Variants in FBLN1 observed in about 807,000 individuals in gnomAD.
FBLN1 encodes the protein fibulin 1, also known as fibulin-1.
A neutral mutation model predicts 89.7 loss-of-function variants in FBLN1; 34 were observed. That is an observed-to-expected ratio of 0.38 (90% confidence interval 0.29 to 0.50). The LOEUF (loss-of-function observed/expected upper bound fraction) is 0.50, where lower values mean the gene tolerates loss of function less well. Among genes scored for constraint, FBLN1 ranks in the 20% least tolerant of loss-of-function variants. The pLI, the probability that FBLN1 is intolerant of heterozygous loss-of-function variation, is 0.92. For synonymous variants in FBLN1, 393 were observed against 391.3 expected (o/e 1.00, Z -0.05); for missense variants, 777 against 988.1 (o/e 0.79, Z 2.86).
rs1376762635 is a variant in FBLN1 at position 45,557,690 on chromosome 22, A to G, written c.1697+7075A>G. ...CTGAGCTCTTTTATGTGATATGGTG[A>G]GCACTCTCATGTGATACAAATATCT... On this transcript the variant is annotated intron_variant, in intron 14 of 16. Transcript: ENST00000327858. The surrounding 1 kb of genome is among the most constrained non-coding windows in gnomAD (Gnocchi z 4.9). 6.6e-6 allele frequency among the ~76,000 whole-genome samples: 1 copy of G among 152,204 alleles called. No individual in the cohort carries two copies. Among genetic ancestry groups the G allele is most frequent in the Non-Finnish European group, 1.5e-5 (1 of 68,034 alleles).
At position 45,588,572 on chromosome 22, in the gene FBLN1, T is replaced by C. The variant is rs1260594842; in HGVS notation, c.1972+11464T>C. Reference sequence around the variant, plus strand: ...CAACCCAGCCCCCAGCAGTTGCCCATAACTGGCCGCAGGATCCCACACACC... The same window carrying C: ...CAACCCAGCCCCCAGCAGTTGCCCACAACTGGCCGCAGGATCCCACACACC... On this transcript the variant is annotated intron_variant, in intron 16 of 16. Transcript: ENST00000327858. This position sits in a 1 kb window ranked among gnomAD's most constrained non-coding sequence, Gnocchi z 5.1. Among the ~76,000 whole-genome samples the C allele has an allele frequency of 6.6e-6, 1 of 151,994 alleles. No homozygotes were observed. Among genetic ancestry groups the C allele is most frequent in the East Asian group, 1.9e-4 (1 of 5,184 alleles).
Position 45,576,245 on chromosome 22 carries a change from C to T in FBLN1, c.1841-732C>T, listed in dbSNP as rs1446093435. ...TCACCAAACCACATACAAATCCTTC[C>T]CAAATCCCCAGTGGCTGGTTTTGTG... is the stretch of plus-strand genomic sequence containing the variant. On this transcript the variant is annotated intron_variant, in intron 15 of 16. Coordinates refer to ENST00000327858, the MANE Select transcript of FBLN1 (RefSeq NM_006486.3). This position sits in a 1 kb window ranked among gnomAD's most constrained non-coding sequence, Gnocchi z 5.2. 1.3e-5 allele frequency among the ~76,000 whole-genome samples: 2 copies of T among 152,230 alleles called. No homozygotes were observed. Among genetic ancestry groups the T allele is most frequent in the African/African-American group, 4.8e-5 (2 of 41,452 alleles).
At chr22:45,518,561 G>A (rs1229699477) in intron 1 of FBLN1, 121 bp from the exon 2 acceptor site, 5 of 758,984 alleles carry the variant, frequency 6.6e-6, no homozygotes, top group Admixed American at 2.0e-5. Flanking sequence ...TAAGGGATGT[G>A]CCCCCAGCCT....
At chr22:45,568,776 A>G (rs1411015514) in intron 14 of FBLN1, among the ~76,000 whole-genome samples, 4 of 30,070 alleles carry the variant, frequency 1.3e-4, no homozygotes, top group African/African-American at 4.7e-4. Context: ...CTGTAAGGGA[A>G]TGCTCCTCCT....
chr22:45,540,104 G>A (rs113984109), intron 8 of FBLN1, among the ~76,000 whole-genome samples: 3 of 152,234 alleles, frequency 2.0e-5, no homozygotes, highest in African/African-American at 4.8e-5. Context: ...AAAAGCAGGT[G>A]TAAGCCGGGT....
At chr22:45,522,950 C>T (rs932286047) in intron 2 of FBLN1, 10 of 492,250 alleles carry the variant, frequency 2.0e-5, no homozygotes, top group Middle Eastern at 3.7e-4. Flanking sequence ...CCCCTGGCCT[C>T]GTGGAGGCGG....
intron 13 of FBLN1, 139 bp downstream of exon 13, chr22:45,548,883 G>A (rs1887633725): frequency 2.2e-6 from 3 of 1,373,986 alleles, no homozygotes; most frequent in South Asian, 1.2e-5. Flanking sequence ...AGGAAAAGGA[G>A]GCCCACCCCA....
At chr22:45,566,831 C>G (rs139924535) in intron 14 of FBLN1, among the ~76,000 whole-genome samples, 2 of 152,156 alleles carry the variant, frequency 1.3e-5, no homozygotes, top group Non-Finnish European at 2.9e-5. Context: ...GGTTGTGTCA[C>G]TAGTAAATCA....
rs1395076386 is a variant in FBLN1, at chr22:45,527,841, T to C, written c.322-6T>C. On this transcript the variant is annotated splice_polypyrimidine_tract_variant and splice_region_variant and intron_variant, in intron 3 of 16. Transcript: ENST00000327858. Reference sequence around the variant, plus strand: ...CTCCATCTGGGATCTCCACCTGTGTTTGCAGAGGTGCTGCCATTGCTGTCT... The same window carrying C: ...CTCCATCTGGGATCTCCACCTGTGTCTGCAGAGGTGCTGCCATTGCTGTCT... 1.2e-6 allele frequency: 2 copies of C among 1,613,764 alleles called. No homozygotes were observed. The highest frequency in any genetic ancestry group is 2.2e-5 in the South Asian group (2 of 91,062).
chr22:45,529,735 G>A (rs765446427), intron 4 of FBLN1, among the ~76,000 whole-genome samples: 9 of 152,044 alleles, frequency 5.9e-5, no homozygotes, highest in African/African-American at 1.4e-4. Context: ...GCGTGGTGGC[G>A]GGCGCCTGTA....
intron 14 of FBLN1, among the ~76,000 whole-genome samples, chr22:45,559,032 G>T (rs987325222): frequency 1.3e-5 from 2 of 152,222 alleles, no homozygotes; most frequent in Non-Finnish European, 2.9e-5. Context: ...ACATGAATAA[G>T]ATTATGACAC....
rs942671721 is a variant in FBLN1, at chr22:45,549,517, C to T, written c.1573+773C>T. On this transcript the variant is annotated intron_variant, in intron 13 of 16. Coordinates refer to ENST00000327858, the MANE Select transcript of FBLN1 (RefSeq NM_006486.3). The surrounding 1 kb of genome is among the most constrained non-coding windows in gnomAD (Gnocchi z 5.7). ...GCGGTGTTTCCTGGGAGGCCCCCTC[C>T]GCTTGCCCTGGGCTCTGGATGGAAG... 7.2e-5 allele frequency among the ~76,000 whole-genome samples: 11 copies of T among 152,168 alleles called. No individual in the cohort carries two copies. Among genetic ancestry groups the T allele is most frequent in the South Asian group, 2.1e-4 (1 of 4,826 alleles).
chr22:45,525,704 C>T (rs1184300147), intron 3 of FBLN1, 26 bp downstream of exon 3: 20 of 1,551,118 alleles, frequency 1.3e-5, no homozygotes, highest in Middle Eastern at 1.7e-4. Context: ...CATGTGGGGT[C>T]GCTGCCCGTC....
At chr22:45,560,715 G>C (rs912871082) in intron 14 of FBLN1, among the ~76,000 whole-genome samples, 7 of 152,154 alleles carry the variant, frequency 4.6e-5, no homozygotes, top group African/African-American at 1.7e-4. Context: ...CTCCAGATTA[G>C]TTTCTATAAA....
At position 45,525,583 on chromosome 22, in the gene FBLN1, C is replaced by T. The variant is rs1337587041; in HGVS notation, c.226C>T (p.Leu76=). 3.9e-6 allele frequency: 6 copies of T among 1,550,040 alleles called. No individual in the cohort carries two copies. The highest frequency in any genetic ancestry group is 5.2e-6 in the Non-Finnish European group (6 of 1,146,862). The change falls in exon 3 of 17, where the codon CTG becomes TTG. Residue 76 remains leucine (L), a synonymous_variant. Coordinates refer to ENST00000327858, the MANE Select transcript of FBLN1 (RefSeq NM_006486.3). ...EQCCHSQLEE[L]HCATGISLAN... ...GTGCTGCCACAGCCAGCTGGAGGAGCTGCACTGTGCCACGGGCATCAGCCT... is the reference window on the plus strand; with the variant it reads ...GTGCTGCCACAGCCAGCTGGAGGAGTTGCACTGTGCCACGGGCATCAGCCT...
intron 1 of FBLN1, among the ~76,000 whole-genome samples, chr22:45,512,234 T>A (rs1196772783): frequency 6.6e-6 from 1 of 152,000 alleles, no homozygotes; most frequent in Non-Finnish European, 1.5e-5. Context: ...TGACTCACAG[T>A]GTTCCAGGGC....
rs771307287 is a variant in FBLN1 at position 45,600,397 on chromosome 22, A to G, written c.2063A>G (p.His688Arg). 12 of 1,614,176 alleles carry G rather than the reference A, an allele frequency of 7.4e-6. No homozygotes were observed. Among genetic ancestry groups the G allele is most frequent in the South Asian group, 6.6e-5 (6 of 91,080 alleles). The change falls in exon 17 of 17, where the codon CAC becomes CGC. Residue 688 changes from histidine to arginine, a missense_variant. Transcript: ENST00000327858. ...MNYVVGGVVS[H>R]RNVVNVHIFV... ...TATGTGGTCGGGGGCGTGGTCTCCC[A>G]CCGAAATGTTGTCAACGTCCACATC...
At chr22:45,559,456 C>T (rs1044923411) in intron 14 of FBLN1, among the ~76,000 whole-genome samples, 1 of 152,194 alleles carries the variant, frequency 6.6e-6, no homozygotes, top group Non-Finnish European at 1.5e-5. Context: ...TAGGTAGAGG[C>T]AGCTCTCATG....
intron 1 of FBLN1, among the ~76,000 whole-genome samples, chr22:45,509,323 G>A (rs1046960252): frequency 3.3e-5 from 5 of 152,184 alleles, no homozygotes; most frequent in South Asian, 2.1e-4. Flanking sequence ...AATGCTTCTC[G>A]CCTTCCCAGA....
Sources: gnomAD v4.1 joint callset for allele counts (sites outside exome capture counted in the v4.1 genomes callset) on GRCh38, gnomAD v4.1.1 for gene constraint, Gnocchi (gnomAD v3.1) non-coding constraint, MANE v1.5 for transcripts, NCBI Gene and HGNC (gene_info 2026-07-23, HGNC 2026-07-21) for gene names.